JAM3: variants seen among roughly 807,000 people sequenced by gnomAD.
JAM3 encodes the protein junctional adhesion molecule C.
In JAM3, 31 loss-of-function variants were observed where a neutral mutation model predicts 39.4. The ratio of observed to expected loss-of-function variants is 0.79; its 90% CI spans 0.59 to 1.06. The LOEUF (loss-of-function observed/expected upper bound fraction) is 1.06. JAM3 is among the 50% of genes least tolerant of loss of function. The pLI is 0.00. For synonymous variants in JAM3, 182 were observed against 148.7 expected (o/e 1.22, Z -1.63); for missense variants, 455 against 391.4 (o/e 1.16, Z -1.37).
At chr11:134,128,492 T>C (rs555393046) in intron 1 of JAM3, among the ~76,000 whole-genome samples, 1 of 152,336 alleles carries the variant, frequency 6.6e-6, no homozygotes, top group Admixed American at 6.5e-5. Context: ...GTAATCTCCA[T>C]GTGTCAAGGA....
intron 1 of JAM3, among the ~76,000 whole-genome samples, chr11:134,101,726 C>T (rs1942076904): frequency 6.6e-6 from 1 of 151,968 alleles, no homozygotes; most frequent in African/African-American, 2.4e-5. Context: ...ATTCTTTTTC[C>T]TCCAGTTTTT....
At chr11:134,074,722 C>T (rs1252718605) in intron 1 of JAM3, among the ~76,000 whole-genome samples, 1 of 152,104 alleles carries the variant, frequency 6.6e-6, no homozygotes, top group Non-Finnish European at 1.5e-5. Flanking sequence ...TTATTGAGCA[C>T]CTACTCTGTG....
At chr11:134,140,605 C>T (rs751809152) in intron 2 of JAM3, 52 bp from the exon 3 acceptor site, 15 of 1,442,908 alleles carry the variant, frequency 1.0e-5, no homozygotes, top group South Asian at 8.0e-5. Context: ...TGCAGCTGAA[C>T]GTAGAAGCAC....
In JAM3 at chr11:134,093,462, C is replaced by T. The variant is rs563384995; in HGVS notation, c.76+24303C>T. Among the ~76,000 whole-genome samples, 3 of 136,498 alleles carry T rather than the reference C, an allele frequency of 2.2e-5. 1 individual carries two copies. The highest frequency in any genetic ancestry group is 5.0e-4 in the South Asian group (2 of 4,022). 89.5% of individuals were successfully genotyped at this position (136,498 alleles called of 152,430 possible). A position where few individuals can be genotyped will look rare whatever the true frequency, so the allele number is the denominator to read the frequency against. ...TGAAACCTCCTTATTCGTCATGTTCCACCTTACATCTTATTCATCATGTTC... is the reference window on the plus strand; with the variant it reads ...TGAAACCTCCTTATTCGTCATGTTCTACCTTACATCTTATTCATCATGTTC... On this transcript the variant is annotated intron_variant, in intron 1 of 8. Transcript: ENST00000299106.
intron 1 of JAM3, among the ~76,000 whole-genome samples, chr11:134,077,960 T>G (rs1237059372): frequency 6.6e-6 from 1 of 151,978 alleles, no homozygotes; most frequent in Non-Finnish European, 1.5e-5. Flanking sequence ...CCAAGGATGC[T>G]TTTTCTTGAG....
At chr11:134,125,868 C>G (rs1470995446) in intron 1 of JAM3, among the ~76,000 whole-genome samples, 1 of 152,190 alleles carries the variant, frequency 6.6e-6, no homozygotes, top group African/African-American at 2.4e-5. Context: ...AGCTGGTTGA[C>G]AGGCCTCTTC....
At chr11:134,096,404 G>A (rs1244658851) in intron 1 of JAM3, among the ~76,000 whole-genome samples, 1 of 152,184 alleles carries the variant, frequency 6.6e-6, no homozygotes, top group Non-Finnish European at 1.5e-5. Flanking sequence ...GGTCTGGATT[G>A]GCACCATGGA....
chr11:134,110,557 G>A (rs912967929), intron 1 of JAM3, among the ~76,000 whole-genome samples: 1 of 152,162 alleles, frequency 6.6e-6, no homozygotes, highest in Non-Finnish European at 1.5e-5. Context: ...AGTACATATG[G>A]TATGATTCCA....
intron 1 of JAM3, among the ~76,000 whole-genome samples, chr11:134,133,961 AAAC>A (rs1272141464): frequency 6.6e-6 from 1 of 152,182 alleles, no homozygotes; most frequent in Non-Finnish European, 1.5e-5. Context: ...TGGGCATTTA[AAAC>A]AACTCTGATT....
chr11:134,126,885 TCTC>T (rs1942658259), intron 1 of JAM3, among the ~76,000 whole-genome samples: 1 of 152,196 alleles, frequency 6.6e-6, no homozygotes, highest in African/African-American at 2.4e-5. Context: ...AATAATAACT[TCTC>T]CTTCTCTGTC....
chr11:134,077,661 T>TG (rs1491038641), intron 1 of JAM3, among the ~76,000 whole-genome samples: 3 of 125,964 alleles, frequency 2.4e-5, no homozygotes, highest in Admixed American at 7.6e-5. Flanking sequence ...TTTTTTTTTT[T>TG]TTTTTTTTTT....
Position 134,098,343 on chromosome 11 carries a change from C to T in JAM3, c.76+29184C>T, listed in dbSNP as rs571736495. On this transcript the variant is annotated intron_variant, in intron 1 of 8. Transcript: ENST00000299106. ...TGAAATCTTCTGTTTTGAAAGAGGTCTTTTAATTTAAAAAAAGCTAGTTCT... is the reference window on the plus strand; with the variant it reads ...TGAAATCTTCTGTTTTGAAAGAGGTTTTTTAATTTAAAAAAAGCTAGTTCT... Among the ~76,000 whole-genome samples, 5 of 152,200 alleles carry T rather than the reference C, an allele frequency of 3.3e-5. No individual in the cohort carries two copies. In the South Asian group the frequency reaches 1.0e-3, roughly 32 times the overall value.
At chr11:134,072,089 A>G (rs1185270353) in intron 1 of JAM3, among the ~76,000 whole-genome samples, 3 of 152,204 alleles carry the variant, frequency 2.0e-5, no homozygotes, top group African/African-American at 2.4e-5. Flanking sequence ...TTTGAAAGCA[A>G]CCAGACTTTC....
Position 134,112,869 on chromosome 11 carries a change from G to C in JAM3, c.77-26982G>C, listed in dbSNP as rs552848440. On this transcript the variant is annotated intron_variant, in intron 1 of 8. Coordinates refer to ENST00000299106, the MANE Select transcript of JAM3 (RefSeq NM_032801.5). The stretch of plus-strand genomic sequence containing the variant: ...ATGGAGAGGGGTAGAGCATGAAATA[G>C]AGCATGAAAATCTTGTCTCATTTGA... Among the ~76,000 whole-genome samples the C allele has an allele frequency of 7.2e-5, 11 of 152,272 alleles. No individual in the cohort carries two copies. In the East Asian group the frequency reaches 1.9e-3, roughly 27 times the overall value.
intron 6 of JAM3, among the ~76,000 whole-genome samples, chr11:134,147,315 G>A (rs1188149356): frequency 2.0e-5 from 3 of 151,532 alleles, no homozygotes; most frequent in African/African-American, 7.3e-5. Flanking sequence ...TTAGCCTGGT[G>A]TGGTGGCAGG....
rs557379286 is a variant in JAM3 at position 134,147,459 on chromosome 11, C to CAAAAAAA, written c.713-1075_713-1069dup. Among the ~76,000 whole-genome samples the CAAAAAAA allele has an allele frequency of 1.1e-3, 79 of 70,868 alleles. 2 individuals carry two copies. Among genetic ancestry groups the CAAAAAAA allele is most frequent in the African/African-American group, 3.4e-3 (70 of 20,542 alleles). The allele number at this position is 70,868 out of a possible 152,430, so 46.5% of individuals were successfully genotyped here. A position where few individuals can be genotyped will look rare whatever the true frequency, so the allele number is the denominator to read the frequency against. On this transcript the variant is annotated intron_variant, in intron 6 of 8. Transcript: ENST00000299106. ...ACGGTGACGGAGCAAGACTCTGTCTCAAAAAAAAAAAAAAAAAAACGATTG... is the reference window on the plus strand; with the variant it reads ...ACGGTGACGGAGCAAGACTCTGTCTCAAAAAAAAAAAAAAAAAAAAAAAAAACGATTG...
intron 1 of JAM3, among the ~76,000 whole-genome samples, chr11:134,136,246 G>A (rs1942863805): frequency 6.6e-6 from 1 of 152,174 alleles, no homozygotes; most frequent in Non-Finnish European, 1.5e-5. Context: ...ACTTCAGTAT[G>A]AGTATTCCTG....
intron 1 of JAM3, among the ~76,000 whole-genome samples, chr11:134,092,610 A>G (rs111338661): frequency 6.2e-5 from 9 of 145,482 alleles, no homozygotes; most frequent in East Asian, 2.1e-4. Context: ...AACCCTCCTT[A>G]TTCATCATGT....
At chr11:134,106,747 G>A (rs1321448461) in intron 1 of JAM3, among the ~76,000 whole-genome samples, 1 of 152,184 alleles carries the variant, frequency 6.6e-6, no homozygotes, top group Non-Finnish European at 1.5e-5. Flanking sequence ...ATCATCACTG[G>A]CCATCAGATA....
Sources: gnomAD v4.1 joint callset for allele counts (sites outside exome capture counted in the v4.1 genomes callset) on GRCh38, gnomAD v4.1.1 for gene constraint, MANE v1.5 for transcripts, NCBI Gene and HGNC (gene_info 2026-07-23, HGNC 2026-07-21) for gene names.